PARVA: variants seen among roughly 807,000 people sequenced by gnomAD.
The protein encoded by PARVA is parvin alpha, also known as alpha-parvin.
In PARVA, 25 loss-of-function variants were observed where a neutral mutation model predicts 52.6. That is an observed-to-expected ratio of 0.48 (90% CI 0.35 to 0.66). The LOEUF (loss-of-function observed/expected upper bound fraction) is 0.66. Ranked by LOEUF, PARVA falls within the 30% of genes least tolerant of loss-of-function variation. The probability of loss-of-function intolerance (pLI) is 0.01; values close to 1 mark genes in which losing one functional copy is unlikely to be tolerated. For missense variants in PARVA, 373 were observed against 450.9 expected (o/e 0.83, Z 1.56); for synonymous variants, 185 against 179.1 (o/e 1.03, Z -0.26).
rs990812185 is a variant in PARVA at position 12,450,475 on chromosome 11, T to A, written c.137-23270T>A. Reference sequence around the variant, plus strand: ...GTCTGCCAATACTACATATGCTAAGTGATTAAGGGAAAAGAGAATGAAGCC... The same window carrying A: ...GTCTGCCAATACTACATATGCTAAGAGATTAAGGGAAAAGAGAATGAAGCC... On this transcript the variant is annotated intron_variant, in intron 1 of 12. Transcript: ENST00000334956. Among the ~76,000 whole-genome samples the A allele has an allele frequency of 2.6e-5, 4 of 152,234 alleles. No homozygotes were observed. The Middle Eastern group carries it at 0.014, about 521-fold the overall frequency.
At position 12,496,470 on chromosome 11, in the gene PARVA, G is replaced by C. The variant is rs750187645; in HGVS notation, c.413G>C (p.Ser138Thr). Reference sequence around the variant, plus strand: ...TTGTCACCCTCAGAGAAACTGGAGAGTGAGAAGCTAAATGTGGCTGAGGTC... The same window carrying C: ...TTGTCACCCTCAGAGAAACTGGAGACTGAGAAGCTAAATGTGGCTGAGGTC... ...VLQKLFEKLE[S>T]EKLNVAEVTQ... Residue 138 changes from serine (S) to threonine (T), a missense_variant, in exon 5 of 13, where the codon AGT (serine) becomes ACT (threonine). By Grantham distance (58) the Ser-to-Thr change is moderately conservative. Coordinates refer to ENST00000334956, the MANE Select transcript of PARVA (RefSeq NM_018222.5). The C allele has an allele frequency of 2.1e-5, 34 of 1,607,636 alleles. No homozygotes were observed. In the East Asian group the frequency reaches 5.8e-4, roughly 27 times the overall value.
chr11:12,377,013 A>T, upstream of PARVA, among the ~76,000 whole-genome samples: 1 of 152,214 alleles, frequency 6.6e-6, no homozygotes, highest in East Asian at 1.9e-4. Context: ...GTGCACTCCA[A>T]GCTTCTCAGT....
At chr11:12,523,376 C>T (rs1941662917) in intron 12 of PARVA, among the ~76,000 whole-genome samples, 1 of 152,160 alleles carries the variant, frequency 6.6e-6, no homozygotes, top group South Asian at 2.1e-4. Context: ...CAGGGGCCTC[C>T]CACCTTGGTC....
At chr11:12,478,551 G>A (rs1399932050) in intron 4 of PARVA, 2 of 166,334 alleles carry the variant, frequency 1.2e-5, no homozygotes, top group African/African-American at 2.4e-5. Context: ...GGCCCAAACC[G>A]TCCCCTCAGA....
intron 7 of PARVA, 52 bp from the exon 8 acceptor site, chr11:12,511,462 T>C: frequency 6.3e-7 from 1 of 1,596,132 alleles, no homozygotes; most frequent in Non-Finnish European, 8.6e-7. Context: ...GACTGGCCTC[T>C]TATAAGGGAC....
At chr11:12,510,830 G>A (rs1047328265) in intron 7 of PARVA, among the ~76,000 whole-genome samples, 1 of 152,174 alleles carries the variant, frequency 6.6e-6, no homozygotes, top group Non-Finnish European at 1.5e-5. Flanking sequence ...AATTCTGGGA[G>A]ATACAGTTCA....
intron 1 of PARVA, among the ~76,000 whole-genome samples, chr11:12,447,746 T>C (rs1940566411): frequency 6.6e-6 from 1 of 152,118 alleles, no homozygotes; most frequent in South Asian, 2.1e-4. Flanking sequence ...TATCAAAATT[T>C]ATAAAAGGAA....
intron 12 of PARVA, among the ~76,000 whole-genome samples, chr11:12,521,446 C>T (rs1403062240): frequency 2.0e-5 from 3 of 151,992 alleles, no homozygotes; most frequent in Non-Finnish European, 4.4e-5. Flanking sequence ...TTATTCAGTC[C>T]CTATTTAGCC....
intron 1 of PARVA, among the ~76,000 whole-genome samples, chr11:12,410,725 ACTACTGAGGATCC>A (rs947252458): frequency 1.3e-5 from 2 of 152,182 alleles, no homozygotes; most frequent in Non-Finnish European, 2.9e-5. Context: ...CCAGTGGAAA[ACTACTGAGGATCC>A]CTTCTTCTCC....
intron 7 of PARVA, among the ~76,000 whole-genome samples, chr11:12,509,370 TACTC>T (rs1430547393): frequency 6.6e-6 from 1 of 152,226 alleles, no homozygotes; most frequent in Non-Finnish European, 1.5e-5. Context: ...CTCTGCCACT[TACTC>T]ACCAGGTGAG....
intron 10 of PARVA, among the ~76,000 whole-genome samples, chr11:12,515,116 T>C (rs757204402): frequency 3.9e-5 from 6 of 152,246 alleles, no homozygotes; most frequent in Non-Finnish European, 7.3e-5. Flanking sequence ...CTGCTAGTGA[T>C]AACTTGGATT....
In PARVA at chr11:12,382,870, G is replaced by A. The variant is rs1410829569; in HGVS notation, c.136+5087G>A. On this transcript the variant is annotated intron_variant, in intron 1 of 12. Transcript: ENST00000334956. Reference sequence around the variant, plus strand: ...AGTTGTGAGGTTTAAATGAGATCGAGAATGTAAAATGCATTGCATGGCACA... The same window carrying A: ...AGTTGTGAGGTTTAAATGAGATCGAAAATGTAAAATGCATTGCATGGCACA... Among the ~76,000 whole-genome samples, 3 of 152,178 alleles carry A rather than the reference G, an allele frequency of 2.0e-5. No individual in the cohort carries two copies. In the East Asian group the frequency reaches 5.8e-4, roughly 29 times the overall value.
rs1589987860 is a variant in PARVA at position 12,513,907 on chromosome 11, A to G, written c.799-90A>G. ...GGCCTGATCCTCTGCTTTCACCCTC[A>G]CCCTTGCCCTCACGGGAGTCACGGA... On this transcript the variant is annotated intron_variant, in intron 9 of 12. Coordinates refer to ENST00000334956, the MANE Select transcript of PARVA (RefSeq NM_018222.5). 2.6e-6 allele frequency: 3 copies of G among 1,173,680 alleles called. No homozygotes were observed. The East Asian group carries it at 7.2e-5, about 28-fold the overall frequency. 72.7% of individuals were successfully genotyped at this position (1,173,680 alleles called of 1,614,324 possible).
chr11:12,423,206 G>A (rs1940178126), intron 1 of PARVA, among the ~76,000 whole-genome samples: 2 of 145,126 alleles, frequency 1.4e-5, no homozygotes, highest in Non-Finnish European at 3.0e-5. Context: ...TTTTTGAGAC[G>A]GGGTCTTGCT....
rs1487463476 is a variant in PARVA at position 12,529,146 on chromosome 11, T to C, written c.*1221T>C. 1.3e-5 allele frequency: 2 copies of C among 152,218 alleles called. No homozygotes were observed. Among genetic ancestry groups the C allele is most frequent in the African/African-American group, 4.8e-5 (2 of 41,460 alleles). The allele number at this position is 152,218 out of a possible 1,614,324, so 9.4% of individuals were successfully genotyped here. ...TATTCTGGCTAAGTCTGCCCACATG[T>C]AATTACCGGCTAATTCAAGCGAGGA... On this transcript the variant is annotated 3_prime_UTR_variant, in exon 13 of 13. Transcript: ENST00000334956.
At chr11:12,465,479 T>C (rs1940842838) in intron 1 of PARVA, among the ~76,000 whole-genome samples, 1 of 152,260 alleles carries the variant, frequency 6.6e-6, no homozygotes, top group East Asian at 1.9e-4. Context: ...ATCATGTGTC[T>C]GCCATTACAG....
intron 1 of PARVA, among the ~76,000 whole-genome samples, chr11:12,411,197 A>G (rs1053327920): frequency 6.6e-6 from 1 of 152,192 alleles, no homozygotes; most frequent in African/African-American, 2.4e-5. Context: ...AACAGATTTC[A>G]CTTTTTATTA....
intron 1 of PARVA, among the ~76,000 whole-genome samples, chr11:12,379,988 ATC>A (rs1939462179): frequency 1.3e-5 from 2 of 152,184 alleles, no homozygotes; most frequent in African/African-American, 4.8e-5. Flanking sequence ...GTAGAAATTT[ATC>A]TCTCTGTACC....
rs927959637 is a variant in PARVA at position 12,533,229 on chromosome 11, T to C, written c.*5304T>C. ...GGCTGCATGTGTGGAGGGAATGAAA[T>C]AAGGGGCCTACCAGGCCAGAACGCT... On this transcript the variant is annotated 3_prime_UTR_variant, in exon 13 of 13. Coordinates refer to ENST00000334956, the MANE Select transcript of PARVA (RefSeq NM_018222.5). Among the ~76,000 whole-genome samples the C allele has an allele frequency of 1.3e-5, 2 of 152,088 alleles. No individual in the cohort carries two copies. The highest frequency in any genetic ancestry group is 4.8e-5 in the African/African-American group (2 of 41,408).
Sources: allele counts gnomAD v4.1 joint callset (sites outside exome capture counted in the v4.1 genomes callset), GRCh38; gene constraint gnomAD v4.1.1; transcripts MANE v1.5; gene names NCBI Gene and HGNC (gene_info 2026-07-23, HGNC 2026-07-21).